STOX2: variants seen among roughly 807,000 people sequenced by gnomAD.
STOX2 encodes the protein storkhead box 2.
In STOX2, 28 loss-of-function variants were observed where a neutral mutation model predicts 60.9. That is an observed-to-expected ratio of 0.46 (90% CI 0.34 to 0.63). The LOEUF (loss-of-function observed/expected upper bound fraction) is 0.63. STOX2 is among the 30% of genes least tolerant of loss of function. The probability of loss-of-function intolerance (pLI) is 0.01; values close to 1 mark genes in which losing one functional copy is unlikely to be tolerated. For missense variants in STOX2, 1,024 were observed against 1,187.7 expected (o/e 0.86, Z 2.03); for synonymous variants, 472 against 463.9 (o/e 1.02, Z -0.22).
intron 1 of STOX2, among the ~76,000 whole-genome samples, chr4:183,998,180 G>A (rs1014703302): frequency 3.9e-5 from 6 of 152,170 alleles, no homozygotes; most frequent in African/African-American, 1.2e-4. Flanking sequence ...ATAGGCACAC[G>A]TTGGAAGGTA....
chr4:183,838,613 T>C (rs1299200123), intron 1 of STOX2, among the ~76,000 whole-genome samples: 1 of 152,234 alleles, frequency 6.6e-6, no homozygotes, highest in Non-Finnish European at 1.5e-5. Context: ...TGTGAGAGTT[T>C]TGCCACAGCC....
At chr4:183,890,649 A>G (rs954445706) in intron 1 of STOX2, among the ~76,000 whole-genome samples, 3 of 151,360 alleles carry the variant, frequency 2.0e-5, no homozygotes, top group Non-Finnish European at 2.9e-5. Flanking sequence ...CTGTGAGCCA[A>G]TGTCTGTGCA....
Position 183,947,668 on chromosome 4 carries a change from A to G in STOX2, c.166+40712A>G, listed in dbSNP as rs147966068. Reference sequence around the variant, plus strand: ...ATGTTCACTCTGTGTTTTGTGTTCCAGAGGCTGTTTCCTCTGCCTGGAACA... The same window carrying G: ...ATGTTCACTCTGTGTTTTGTGTTCCGGAGGCTGTTTCCTCTGCCTGGAACA... On this transcript the variant is annotated intron_variant, in intron 1 of 3. Transcript: ENST00000308497. Among the ~76,000 whole-genome samples the G allele has an allele frequency of 5.2e-4, 79 of 152,256 alleles. 1 individual carries two copies. The East Asian group carries it at 8.3e-3, about 16-fold the overall frequency.
intron 1 of STOX2, among the ~76,000 whole-genome samples, chr4:183,831,109 C>G (rs1265275787): frequency 6.7e-6 from 1 of 149,710 alleles, no homozygotes; most frequent in East Asian, 2.0e-4. Context: ...TTTCTCCTTC[C>G]TGGTGGGTGT....
chr4:183,904,689 C>T (rs568047076), upstream of STOX2, among the ~76,000 whole-genome samples: 84 of 152,314 alleles, frequency 5.5e-4, no homozygotes, highest in African/African-American at 2.0e-3. Context: ...TTATAGAGGG[C>T]GGTCTTGAGA....
At chr4:183,855,080 G>A (rs1740255797) in intron 1 of STOX2, among the ~76,000 whole-genome samples, 1 of 152,152 alleles carries the variant, frequency 6.6e-6, no homozygotes, top group African/African-American at 2.4e-5. Flanking sequence ...ACAGAGTGAT[G>A]TAATAGAGTA....
At chr4:183,972,145 A>T (rs938767234) in intron 1 of STOX2, among the ~76,000 whole-genome samples, 19 of 152,230 alleles carry the variant, frequency 1.2e-4, no homozygotes, top group African/African-American at 4.6e-4. Context: ...GGCTGGGCAG[A>T]CATCCAAAAC....
At chr4:183,937,191 T>G (rs1208100590) in intron 1 of STOX2, among the ~76,000 whole-genome samples, 2 of 152,228 alleles carry the variant, frequency 1.3e-5, no homozygotes, top group African/African-American at 4.8e-5. Context: ...AAGAGAAAGC[T>G]TAGTAACACG....
At chr4:183,959,277 T>C (rs74841317) in intron 1 of STOX2, among the ~76,000 whole-genome samples, 1 of 152,174 alleles carries the variant, frequency 6.6e-6, no homozygotes, top group Non-Finnish European at 1.5e-5. Flanking sequence ...TACCTTAGAA[T>C]TCTAAGAATG....
rs200166663 is a variant in STOX2, at chr4:184,017,153, G to T, written c.2650G>T (p.Ala884Ser). 9 of 1,613,616 alleles carry T rather than the reference G, an allele frequency of 5.6e-6. No homozygotes were observed. In the Admixed American group the frequency reaches 1.2e-4, roughly 21 times the overall value. ...IVESNRRQNP[A>S]LSPAHGGAGP... is the part of the protein sequence containing the mutation. ...TGAAAGTAACCGTCGTCAGAACCCC[G>T]CTTTGAGCCCGGCCCATGGTGGAGC... The change falls in exon 4 of 4, where the codon GCT becomes TCT. Residue 884 changes from alanine to serine, a missense_variant. Ala to Ser is a moderately conservative substitution (Grantham distance 99, BLOSUM62 1). Transcript: ENST00000308497.
At chr4:183,864,624 C>T (rs1329033047) in intron 1 of STOX2, among the ~76,000 whole-genome samples, 1 of 152,122 alleles carries the variant, frequency 6.6e-6, no homozygotes, top group African/African-American at 2.4e-5. Context: ...GAACTCCTGA[C>T]CTCAAGTGAT....
intron 1 of STOX2, among the ~76,000 whole-genome samples, chr4:183,947,488 A>G (rs1412333514): frequency 2.0e-5 from 3 of 152,192 alleles, no homozygotes; most frequent in African/African-American, 7.2e-5. Flanking sequence ...GGTTCTACAC[A>G]GAACTCCACT....
intron 1 of STOX2, among the ~76,000 whole-genome samples, chr4:183,962,508 T>C (rs1743441580): frequency 6.6e-6 from 1 of 152,244 alleles, no homozygotes; most frequent in Admixed American, 6.5e-5. Context: ...TTTAATTTAC[T>C]ATTTCATGAG....
chr4:183,971,133 C>A (rs1743730133), intron 1 of STOX2, among the ~76,000 whole-genome samples: 1 of 152,092 alleles, frequency 6.6e-6, no homozygotes, highest in Non-Finnish European at 1.5e-5. Context: ...CAATCATGTT[C>A]ATATAGTAGA....
chr4:183,946,297 C>T lies in STOX2; in HGVS notation c.166+39341C>T, dbSNP rs772771051. Among the ~76,000 whole-genome samples, 6 of 152,192 alleles carry T rather than the reference C, an allele frequency of 3.9e-5. No homozygotes were observed. In the South Asian group the frequency reaches 1.2e-3, roughly 32 times the overall value. On this transcript the variant is annotated intron_variant, in intron 1 of 3. Coordinates refer to ENST00000308497, the MANE Select transcript of STOX2 (RefSeq NM_020225.3). Reference sequence around the variant, plus strand: ...CCTTTTCTTAGTCTCAGTTTCCTCACTCGCACAGTGACTGTTGTCAGGAGG... The same window carrying T: ...CCTTTTCTTAGTCTCAGTTTCCTCATTCGCACAGTGACTGTTGTCAGGAGG...
At chr4:183,798,454 A>G (rs985820375) in intron 1 of STOX2, among the ~76,000 whole-genome samples, 3 of 151,366 alleles carry the variant, frequency 2.0e-5, no homozygotes, top group Non-Finnish European at 3.0e-5. Context: ...GTGGGCGGGG[A>G]GGATTCCGGG....
chr4:183,999,862 G>A (rs1733509741), intron 1 of STOX2, among the ~76,000 whole-genome samples: 1 of 152,216 alleles, frequency 6.6e-6, no homozygotes, highest in African/African-American at 2.4e-5. Flanking sequence ...CCACCTCAGA[G>A]CAGCCAGACA....
At chr4:183,989,968 G>A (rs1439217281) in intron 1 of STOX2, among the ~76,000 whole-genome samples, 1 of 152,170 alleles carries the variant, frequency 6.6e-6, no homozygotes, top group African/African-American at 2.4e-5. Flanking sequence ...AAAGGCAGAT[G>A]TTCAAGACCC....
chr4:183,986,923 A>T (rs1225889480), intron 1 of STOX2, among the ~76,000 whole-genome samples: 1 of 152,098 alleles, frequency 6.6e-6, no homozygotes, highest in African/African-American at 2.4e-5. Context: ...GCGCCTTATG[A>T]AGAGCTTCAG....
Sources: allele counts gnomAD v4.1 joint callset (sites outside exome capture counted in the v4.1 genomes callset), GRCh38; gene constraint gnomAD v4.1.1; transcripts MANE v1.5; gene names NCBI Gene and HGNC (gene_info 2026-07-23, HGNC 2026-07-21).